The following CCDC88B variants were observed in gnomAD, a reference collection of about 807,000 sequenced individuals.
The protein encoded by CCDC88B is coiled-coil and HOOK domain protein 88B.
In CCDC88B, 138 loss-of-function variants were observed where a neutral mutation model predicts 183.7. The ratio of observed to expected loss-of-function variants is 0.75; its 90% CI spans 0.65 to 0.87. The LOEUF is 0.87. CCDC88B is among the 40% of genes least tolerant of loss of function. The pLI is 0.00. For synonymous variants in CCDC88B, 835 were observed against 867.5 expected (o/e 0.96, Z 0.66); for missense variants, 1,822 against 1,965.6 (o/e 0.93, Z 1.38).
At position 64,341,980 on chromosome 11, in the gene CCDC88B, C is replaced by T. The variant is rs1317571883; in HGVS notation, c.676-14C>T. 5 of 1,612,766 alleles carry T rather than the reference C, an allele frequency of 3.1e-6. No homozygotes were observed. The South Asian group carries it at 4.4e-5, about 14-fold the overall frequency. The stretch of plus-strand genomic sequence containing the variant: ...TGGATAAGTTAGTCCTGACCCTTGA[C>T]CCCTGACCTACAGCGGCTGGCTGAA... On this transcript the variant is annotated splice_polypyrimidine_tract_variant and intron_variant, in intron 7 of 26. Coordinates refer to ENST00000356786, the MANE Select transcript of CCDC88B (RefSeq NM_032251.6).
In CCDC88B at chr11:64,341,624, T is replaced by A; in HGVS notation, c.557T>A (p.Val186Glu). The A allele has an allele frequency of 1.2e-6, 2 of 1,604,236 alleles. No individual in the cohort carries two copies. Among genetic ancestry groups the A allele is most frequent in the Non-Finnish European group, 1.7e-6 (2 of 1,175,190 alleles). Residue 186 changes from valine (V) to glutamate (E), a missense_variant, in exon 7 of 27, where the codon GTG becomes GAG. Val to Glu is a moderately radical substitution (Grantham distance 121). Transcript: ENST00000356786. ...GTGACCCAGCCGGGGGCCGGCGTGG[T>A]GCTGGCACTGTCTGGGCCAGATCCT... ...QEVTQPGAGV[V>E]LALSGPDPGE...
rs778503977 is a variant in CCDC88B at position 64,354,050 on chromosome 11, C to T, written c.3979C>T (p.Arg1327Trp). 1.8e-5 allele frequency: 26 copies of T among 1,444,828 alleles called. No individual in the cohort carries two copies. Among genetic ancestry groups the T allele is most frequent in the East Asian group, 2.4e-5 (1 of 41,916 alleles). The allele number at this position is 1,444,828 out of a possible 1,614,324, so 89.5% of individuals were successfully genotyped here. A position where few individuals can be genotyped will look rare whatever the true frequency, so the allele number is the denominator to read the frequency against. ...CAAGGTGAAGAGGCTGATGCGGCCCCGGCGGGAGGGGGGCCCCCCTGGGGG... is the reference window on the plus strand; with the variant it reads ...CAAGGTGAAGAGGCTGATGCGGCCCTGGCGGGAGGGGGGCCCCCCTGGGGG... ...ADKVKRLMRP[R>W]REGGPPGGLR... The change falls in exon 24 of 27, where the codon CGG becomes TGG. Residue 1327 changes from arginine to tryptophan, a missense_variant. Physicochemically the swap from Arg to Trp is moderately radical, Grantham distance 101. Coordinates refer to ENST00000356786, the MANE Select transcript of CCDC88B (RefSeq NM_032251.6).
chr11:64,357,065 C>A lies in CCDC88B; in HGVS notation c.4402C>A (p.Arg1468Ser), dbSNP rs115878644. 1 of 1,604,944 alleles carries A rather than the reference C, an allele frequency of 6.2e-7. No homozygotes were observed. Among genetic ancestry groups the A allele is most frequent in the South Asian group, 1.1e-5 (1 of 90,398 alleles). Residue 1468 changes from arginine to serine, a missense_variant, in exon 27 of 27, where the codon CGT becomes AGT. Transcript: ENST00000356786. ...EGPEVQEPEK[R>S]PLTPSLSQ Reference sequence around the variant, plus strand: ...CCCTGAGGTACAGGAACCGGAGAAACGTCCCCTCACCCCATCCCTCAGCCA... The same window carrying A: ...CCCTGAGGTACAGGAACCGGAGAAAAGTCCCCTCACCCCATCCCTCAGCCA...
rs1375754696 is a variant in CCDC88B, at chr11:64,345,099, G to C, written c.2558G>C (p.Gly853Ala). 2 of 1,551,088 alleles carry C rather than the reference G, an allele frequency of 1.3e-6. No individual in the cohort carries two copies. Among genetic ancestry groups the C allele is most frequent in the Non-Finnish European group, 1.7e-6 (2 of 1,151,490 alleles). The change falls in exon 14 of 27, where the codon GGC becomes GCC. Residue 853 changes from glycine to alanine, a missense_variant. Physicochemically the swap from Gly to Ala is moderately conservative, Grantham distance 60. Transcript: ENST00000356786. ...CGGATGCAGGTGCTGGAGAGCGAGG[G>C]CCGCCAGCACTTGGAGGAGGCTGAG... ...EERMQVLESEGRQHLEEAERE... is the reference protein window; with the variant it reads ...EERMQVLESEARQHLEEAERE...
At chr11:64,349,843 G>A (rs1353231797) in intron 16 of CCDC88B, 175 bp downstream of exon 16, 5 of 631,492 alleles carry the variant, frequency 7.9e-6, no homozygotes, top group East Asian at 2.7e-5. Context: ...TCAGGTGGCC[G>A]TGTTGACTTA....
At chr11:64,355,475 C>A in intron 25 of CCDC88B, 75 bp downstream of exon 25, 15 of 1,586,600 alleles carry the variant, frequency 9.5e-6, no homozygotes, top group Non-Finnish European at 1.3e-5. Flanking sequence ...GGGGAGGAGG[C>A]TTCCTTCTTG....
rs2036336149 is a variant in CCDC88B, at chr11:64,351,605, A to T, written c.3088A>T (p.Ser1030Cys). ...GAGCCAGCGGGCGCAGGAGCACAGC[A>T]GCCGCCTGCAGGTGGGTGGTGGCCC... Reference protein sequence around the residue: ...LQSQRAQEHSSRLQAEKSVLE... With the variant: ...LQSQRAQEHSCRLQAEKSVLE... Residue 1030 changes from serine (S) to cysteine (C), a missense_variant, in exon 18 of 27, where the codon AGC (serine) becomes TGC (cysteine). Transcript: ENST00000356786. 6.4e-7 allele frequency: 1 copy of T among 1,562,892 alleles called. No individual in the cohort carries two copies. Among genetic ancestry groups the T allele is most frequent in the African/African-American group, 1.4e-5 (1 of 73,958 alleles).
Position 64,349,515 on chromosome 11 carries a change from TG to T in CCDC88B, c.2745-32del, listed in dbSNP as rs1393594547. The T allele has an allele frequency of 2.7e-5, 6 of 225,276 alleles. No individual in the cohort carries two copies. In the East Asian group the frequency reaches 7.4e-4, roughly 28 times the overall value. The allele number at this position is 225,276 out of a possible 1,614,324, so 14.0% of individuals were successfully genotyped here. A position where few individuals can be genotyped will look rare whatever the true frequency, so the allele number is the denominator to read the frequency against. On this transcript the variant is annotated intron_variant, in intron 15 of 26. Coordinates refer to ENST00000356786, the MANE Select transcript of CCDC88B (RefSeq NM_032251.6). ...AGGCAGGGGTGTGGTGGGGCGAGGG[TG>T]GGGTGGGGCTGGGTGCTAAGGATTC...
In CCDC88B at chr11:64,340,924, G is replaced by A. The variant is rs1417176969; in HGVS notation, c.224G>A (p.Gly75Glu). The A allele has an allele frequency of 6.4e-7, 1 of 1,562,600 alleles. No individual in the cohort carries two copies. Among genetic ancestry groups the A allele is most frequent in the South Asian group, 1.2e-5 (1 of 83,610 alleles). Residue 75 changes from glycine (G) to glutamate (E), a missense_variant, in exon 3 of 27, where the codon GGG becomes GAG. Coordinates refer to ENST00000356786, the MANE Select transcript of CCDC88B (RefSeq NM_032251.6). ...GCTCATAGTGCCCCCAGCTCCCGAG[G>A]GGGACCTCGGATGCTCAGAGGCCTT... is the stretch of plus-strand genomic sequence containing the variant. ...VLGIIAPSSR[G>E]GPRMLRGLDG... is the part of the protein sequence containing the mutation.
rs1291320455 is a variant in CCDC88B, at chr11:64,352,190, G to C, written c.3160G>C (p.Glu1054Gln). ...QELHRKLEVL[E>Q]EEVRAARQSQ... is the part of the protein sequence containing the mutation. ...GCTGCACCGGAAGCTGGAGGTGCTGGAGGAGGAGGTGCGGGCGGCACGGCA... is the reference window on the plus strand; with the variant it reads ...GCTGCACCGGAAGCTGGAGGTGCTGCAGGAGGAGGTGCGGGCGGCACGGCA... The change falls in exon 19 of 27, where the codon GAG (glutamate) becomes CAG (glutamine). Residue 1054 changes from glutamate (E) to glutamine (Q), a missense_variant. Coordinates refer to ENST00000356786, the MANE Select transcript of CCDC88B (RefSeq NM_032251.6). The C allele has an allele frequency of 6.2e-7, 1 of 1,607,252 alleles. No homozygotes were observed. The highest frequency in any genetic ancestry group is 8.5e-7 in the Non-Finnish European group (1 of 1,175,190).
At chr11:64,355,458 C>T in intron 25 of CCDC88B, 58 bp downstream of exon 25, 1 of 1,582,396 alleles carries the variant, frequency 6.3e-7, no homozygotes, top group South Asian at 1.1e-5. Context: ...GACCCACCAG[C>T]TCCTTGGGGG....
At chr11:64,353,639 C>T (rs975485132) in intron 22 of CCDC88B, 76 bp from the exon 23 acceptor site, 371 of 1,588,374 alleles carry the variant, frequency 2.3e-4, no homozygotes, top group Non-Finnish European at 2.9e-4. Context: ...AGTGCGTCCT[C>T]GCTGCAGCTT....
intron 16 of CCDC88B, chr11:64,350,183 C>G (rs1346186547): frequency 6.0e-6 from 1 of 167,138 alleles, no homozygotes; most frequent in Non-Finnish European, 1.3e-5. Context: ...AGATACCCAG[C>G]AGGTGCATGC....
rs965823831 is a variant in CCDC88B at position 64,355,423 on chromosome 11, C to T, written c.4306+23C>T. On this transcript the variant is annotated intron_variant, in intron 25 of 26. Transcript: ENST00000356786. ...AAGGTGAGGGACAAGGGTCACTGTACCAGCCAGCCCCCCAACTCTTTGTGG... is the reference window on the plus strand; with the variant it reads ...AAGGTGAGGGACAAGGGTCACTGTATCAGCCAGCCCCCCAACTCTTTGTGG... 3.8e-6 allele frequency: 6 copies of T among 1,586,212 alleles called. No individual in the cohort carries two copies. The Admixed American group carries it at 5.4e-5, about 14-fold the overall frequency.
intron 14 of CCDC88B, chr11:64,349,085 C>T (rs1220950922): frequency 9.8e-6 from 7 of 716,148 alleles, no homozygotes; most frequent in Non-Finnish European, 1.8e-5. Flanking sequence ...TGTCACCTAC[C>T]GACTCCCAGC....
intron 10 of CCDC88B, 111 bp from the exon 11 acceptor site, chr11:64,343,067 TG>T: frequency 9.7e-7 from 1 of 1,026,968 alleles, no homozygotes; most frequent in Non-Finnish European, 1.2e-6. Context: ...GGGTGCAGGG[TG>T]GGGGAGGGAG....
Position 64,342,137 on chromosome 11 carries a change from G to A in CCDC88B, c.819G>A (p.Glu273=), listed in dbSNP as rs1247067532. Reference sequence around the variant, plus strand: ...CTCAGCTGCGGCGTCTGCGGCAGGAGCTGTGAGTGTGCGCAGCCTGGGAAG... The same window carrying A: ...CTCAGCTGCGGCGTCTGCGGCAGGAACTGTGAGTGTGCGCAGCCTGGGAAG... ...AKAQLRRLRQ[E]LEEKAELLLD... The change falls in exon 8 of 27, where the codon GAG becomes GAA. Residue 273 remains glutamate (E), a splice_region_variant and synonymous_variant. Coordinates refer to ENST00000356786, the MANE Select transcript of CCDC88B (RefSeq NM_032251.6). 6.2e-7 allele frequency: 1 copy of A among 1,608,040 alleles called. No homozygotes were observed. The highest frequency in any genetic ancestry group is 1.3e-5 in the African/African-American group (1 of 74,838).
Position 64,349,599 on chromosome 11 carries a change from G to A in CCDC88B, c.2793G>A (p.Ala931=), listed in dbSNP as rs761019629. The A allele has an allele frequency of 1.1e-5, 17 of 1,600,814 alleles. No homozygotes were observed. The highest frequency in any genetic ancestry group is 2.0e-4 in the Middle Eastern group (1 of 5,110). The change falls in exon 16 of 27, where the codon GCG becomes GCA. Residue 931 remains alanine, a synonymous_variant. Transcript: ENST00000356786. ...QRLEAELQAA[A]TSKEEALMEL... ...TGGAAGCTGAGCTGCAGGCGGCGGC[G>A]ACCAGCAAGGAGGAGGCGCTGATGG...
intron 16 of CCDC88B, 29 bp from the exon 17 acceptor site, chr11:64,351,131 G>T (rs374768393): frequency 1.9e-5 from 28 of 1,444,148 alleles, no homozygotes; most frequent in Admixed American, 2.9e-5. Context: ...CGGCTGTCCC[G>T]CATGACCTCC....
Sources: allele counts gnomAD v4.1 joint callset, GRCh38; gene constraint gnomAD v4.1.1; transcripts MANE v1.5; gene names NCBI Gene and HGNC (gene_info 2026-07-23, HGNC 2026-07-21).